Variants in EXOC4 observed in about 807,000 individuals in gnomAD.
EXOC4 encodes exocyst complex component 4, also known as SEC8-like 1.
A neutral mutation model predicts 107.2 loss-of-function variants in EXOC4; 71 were observed. The observed-to-expected ratio is 0.66, with a 90% CI of 0.55 to 0.81. The LOEUF is 0.81. Among genes scored for constraint, EXOC4 ranks in the 30% least tolerant of loss-of-function variants. The probability of loss-of-function intolerance (pLI) is 0.00; values close to 1 mark genes in which losing one functional copy is unlikely to be tolerated. For missense variants in EXOC4, 1,108 were observed against 1,189.6 expected (o/e 0.93, Z 1.01); for synonymous variants, 456 against 441.2 (o/e 1.03, Z -0.42).
chr7:133,815,901 C>T (rs1797357523), intron 10 of EXOC4, among the ~76,000 whole-genome samples: 2 of 152,192 alleles, frequency 1.3e-5, no homozygotes, highest in South Asian at 2.1e-4. Context: ...TATCACTTTG[C>T]GGTACTTTTA....
chr7:133,865,530 C>G (rs116782046), intron 11 of EXOC4, among the ~76,000 whole-genome samples: 1 of 152,100 alleles, frequency 6.6e-6, no homozygotes, highest in African/African-American at 2.4e-5. Flanking sequence ...TACTAATGAT[C>G]AGTTGTGTTA....
At chr7:133,858,534 G>A (rs1798468059) in intron 11 of EXOC4, among the ~76,000 whole-genome samples, 1 of 152,174 alleles carries the variant, frequency 6.6e-6, no homozygotes, top group Non-Finnish European at 1.5e-5. Context: ...GCTTCCTGCT[G>A]TATTTGGCTT....
At chr7:133,264,013 C>A (rs940398664) in intron 1 of EXOC4, among the ~76,000 whole-genome samples, 4 of 151,958 alleles carry the variant, frequency 2.6e-5, no homozygotes, top group African/African-American at 9.7e-5. Flanking sequence ...AGGAACTCAC[C>A]AGAAAAGAAG....
downstream of EXOC4, among the ~76,000 whole-genome samples, chr7:134,068,042 G>T (rs1687734170): frequency 1.3e-5 from 2 of 152,154 alleles, no homozygotes; most frequent in African/African-American, 4.8e-5. Context: ...TGAAAGACAA[G>T]TTTATTTTTT....
intron 10 of EXOC4, among the ~76,000 whole-genome samples, chr7:133,743,460 G>T (rs77599145): frequency 1.5e-4 from 23 of 152,312 alleles, no homozygotes; most frequent in African/African-American, 5.3e-4. Flanking sequence ...CCCCTTAGCA[G>T]CTGTGCCATT....
At chr7:134,054,329 C>A (rs1795872195) in intron 17 of EXOC4, among the ~76,000 whole-genome samples, 1 of 152,160 alleles carries the variant, frequency 6.6e-6, no homozygotes, top group South Asian at 2.1e-4. Context: ...GACCATTCAC[C>A]CACCTGTTCT....
At chr7:133,857,150 A>G (rs1172012590) in intron 11 of EXOC4, among the ~76,000 whole-genome samples, 106 of 1,422 alleles carry the variant, frequency 0.075, 5 homozygotes, top group Non-Finnish European at 0.1. Context: ...ACATACACGT[A>G]TATATATATA....
At chr7:133,762,464 A>G (rs1345858642) in intron 10 of EXOC4, among the ~76,000 whole-genome samples, 1 of 152,168 alleles carries the variant, frequency 6.6e-6, no homozygotes, top group Non-Finnish European at 1.5e-5. Context: ...AATTAGTCCT[A>G]TACTTTCCTG....
At chr7:133,837,768 C>CA (rs142615688) in intron 11 of EXOC4, among the ~76,000 whole-genome samples, 65 of 152,242 alleles carry the variant, frequency 4.3e-4, no homozygotes, top group African/African-American at 1.6e-3. Flanking sequence ...GAGAGAGTCA[C>CA]AAAAATGGGT....
chr7:133,369,866 G>T (rs6968220), intron 6 of EXOC4, among the ~76,000 whole-genome samples: 3 of 144,408 alleles, frequency 2.1e-5, no homozygotes, highest in South Asian at 2.2e-4. Flanking sequence ...GAGTGCAATG[G>T]CGCAATTTGG....
intron 10 of EXOC4, among the ~76,000 whole-genome samples, chr7:133,649,803 G>A (rs538232225): frequency 7.9e-5 from 12 of 152,254 alleles, no homozygotes; most frequent in Admixed American, 7.2e-4. Context: ...GGCTTGGTAG[G>A]AATGTACTTC....
intron 14 of EXOC4, among the ~76,000 whole-genome samples, chr7:133,977,804 G>C (rs1348558742): frequency 1.3e-5 from 2 of 151,834 alleles, no homozygotes; most frequent in Non-Finnish European, 2.9e-5. Flanking sequence ...TCTTCTAGCA[G>C]AATTTTACTG....
Position 133,374,914 on chromosome 7 carries a change from A to G in EXOC4, c.1094A>G (p.Asp365Gly), listed in dbSNP as rs1361418951. ...AHSVVLGYLQDTVVTPLTQQE... is the reference protein window; with the variant it reads ...AHSVVLGYLQGTVVTPLTQQE... ...TCTGTGGTCCTGGGATACCTGCAGGACACTGTAGTGACTCCACTGACTCAG... is the reference window on the plus strand; with the variant it reads ...TCTGTGGTCCTGGGATACCTGCAGGGCACTGTAGTGACTCCACTGACTCAG... The change falls in exon 7 of 18, where the codon GAC (aspartate) becomes GGC (glycine). Residue 365 changes from aspartate (D) to glycine (G), a missense_variant. By Grantham distance (94) the Asp-to-Gly change is moderately conservative (BLOSUM62 -1). Coordinates refer to ENST00000253861, the MANE Select transcript of EXOC4 (RefSeq NM_021807.4). 4 of 1,614,032 alleles carry G rather than the reference A, an allele frequency of 2.5e-6. No individual in the cohort carries two copies. The highest frequency in any genetic ancestry group is 1.7e-5 in the Admixed American group (1 of 60,020).
At chr7:133,536,134 A>G (rs1305421231) in intron 9 of EXOC4, among the ~76,000 whole-genome samples, 1 of 152,182 alleles carries the variant, frequency 6.6e-6, no homozygotes, top group Admixed American at 6.5e-5. Flanking sequence ...AAATACTCCT[A>G]GTCACACTGT....
At chr7:133,883,566 C>A in intron 11 of EXOC4, among the ~76,000 whole-genome samples, 1 of 151,756 alleles carries the variant, frequency 6.6e-6, no homozygotes, top group Non-Finnish European at 1.5e-5. Context: ...TTGCCTGAGC[C>A]CAGGAGTTTG....
At chr7:133,888,698 G>T (rs1366400469) in intron 11 of EXOC4, among the ~76,000 whole-genome samples, 1 of 152,132 alleles carries the variant, frequency 6.6e-6, no homozygotes, top group Non-Finnish European at 1.5e-5. Context: ...CGCCTACAGT[G>T]GTGACAGCAA....
chr7:133,540,666 T>C (rs2150931013), intron 9 of EXOC4, among the ~76,000 whole-genome samples: 1 of 152,292 alleles, frequency 6.6e-6, no homozygotes, highest in South Asian at 2.1e-4. Context: ...CCTTATTCAA[T>C]AGCTTTGGGT....
At position 133,260,366 on chromosome 7, in the gene EXOC4, C is replaced by T. The variant is rs546824955; in HGVS notation, c.86+7179C>T. 4.0e-4 allele frequency among the ~76,000 whole-genome samples: 61 copies of T among 152,002 alleles called. 2 individuals are homozygous for T. The South Asian group carries it at 0.012, about 31-fold the overall frequency. ...TTGGCTCACTGCAACCTCTGACTCC[C>T]GGGTTCAAACAATTCTCCTGCTTCA... On this transcript the variant is annotated intron_variant, in intron 1 of 17. Transcript: ENST00000253861.
intron 9 of EXOC4, among the ~76,000 whole-genome samples, chr7:133,486,393 G>A (rs1329166356): frequency 6.6e-6 from 1 of 152,050 alleles, no homozygotes; most frequent in Non-Finnish European, 1.5e-5. Flanking sequence ...GAGCATTTAA[G>A]GCAATATTTC....
Sources: gnomAD v4.1 joint callset for allele counts (sites outside exome capture counted in the v4.1 genomes callset) on GRCh38, gnomAD v4.1.1 for gene constraint, MANE v1.5 for transcripts, NCBI Gene and HGNC (gene_info 2026-07-23, HGNC 2026-07-21) for gene names.